The following NAA60 variants were observed in gnomAD, a reference collection of about 807,000 sequenced individuals.
NAA60 encodes the protein N-alpha-acetyltransferase 60, NatF catalytic subunit.
In NAA60, 8 loss-of-function variants were observed where a neutral mutation model predicts 26.1. The observed-to-expected ratio is 0.31, with a 90% CI of 0.18 to 0.55. The LOEUF is 0.55. NAA60 is among the 20% of genes least tolerant of loss of function. The probability of loss-of-function intolerance (pLI) is 0.93; values close to 1 mark genes in which losing one functional copy is unlikely to be tolerated. For missense variants in NAA60, 290 were observed against 311.3 expected (o/e 0.93, Z 0.51); for synonymous variants, 131 against 122.5 (o/e 1.07, Z -0.46).
Position 3,474,495 on chromosome 16 carries a change from G to A in NAA60, c.-6-1727G>A, listed in dbSNP as rs544977579. Among the ~76,000 whole-genome samples the A allele has an allele frequency of 1.2e-4, 19 of 152,374 alleles. 1 individual carries two copies. Among genetic ancestry groups the A allele is most frequent in the African/African-American group, 4.6e-4 (19 of 41,594 alleles). On this transcript the variant is annotated intron_variant, in intron 2 of 7. Coordinates refer to ENST00000407558, the MANE Select transcript of NAA60 (RefSeq NM_001083601.3). The stretch of plus-strand genomic sequence containing the variant: ...AGCCAGCAGAGAGACCAGATTCAGC[G>A]TCTAAATTCCTCCCCTTGTCAGGAA...
intron 3 of NAA60, among the ~76,000 whole-genome samples, chr16:3,479,206 C>T (rs1415637950): frequency 1.3e-5 from 2 of 152,194 alleles, no homozygotes; most frequent in Non-Finnish European, 2.9e-5. Flanking sequence ...CGCCATTGCA[C>T]TCCAGCCTGG....
At position 3,486,671 on chromosome 16, in the gene NAA60, C is replaced by G. The variant is rs997103777; in HGVS notation, c.*1411C>G. On this transcript the variant is annotated 3_prime_UTR_variant, in exon 8 of 8. Coordinates refer to ENST00000407558, the MANE Select transcript of NAA60 (RefSeq NM_001083601.3). Reference sequence around the variant, plus strand: ...GACCTGACAGTGCTGGCGGGAGGGCCGCACCATGCTGACTGCCTGAATCTC... The same window carrying G: ...GACCTGACAGTGCTGGCGGGAGGGCGGCACCATGCTGACTGCCTGAATCTC... 1.3e-5 allele frequency: 2 copies of G among 152,394 alleles called. No homozygotes were observed. The highest frequency in any genetic ancestry group is 4.8e-5 in the African/African-American group (2 of 41,462). The allele number at this position is 152,394 out of a possible 1,614,324, so 9.4% of individuals were successfully genotyped here.
intron 2 of NAA60, among the ~76,000 whole-genome samples, chr16:3,471,522 A>T (rs1487554570): frequency 1.3e-5 from 2 of 151,978 alleles, no homozygotes; most frequent in African/African-American, 4.8e-5. Context: ...ATAATAATAA[A>T]AAGATCTGGA....
chr16:3,486,512 CCCAGGTCCCCTCTTGAACTCAGCTGGGG>C lies in NAA60; in HGVS notation c.*1258_*1285del, dbSNP rs1390539602. Reference sequence around the variant, plus strand: ...CGGGCTCTCAGGGTGCTGGGGCAGCCCCAGGTCCCCTCTTGAACTCAGCTGGGGCCAGGGGCCCTCAGAATGAAGGCAG... The same window carrying C: ...CGGGCTCTCAGGGTGCTGGGGCAGCCCCAGGGGCCCTCAGAATGAAGGCAG... On this transcript the variant is annotated 3_prime_UTR_variant, in exon 8 of 8. Coordinates refer to ENST00000407558, the MANE Select transcript of NAA60 (RefSeq NM_001083601.3). The C allele has an allele frequency of 2.6e-5, 4 of 152,260 alleles. No individual in the cohort carries two copies. Among genetic ancestry groups the C allele is most frequent in the Non-Finnish European group, 4.4e-5 (3 of 68,112 alleles). The allele number at this position is 152,260 out of a possible 1,614,324, so 9.4% of individuals were successfully genotyped here.
intron 4 of NAA60, among the ~76,000 whole-genome samples, chr16:3,480,884 G>C (rs935068344): frequency 1.3e-5 from 2 of 152,144 alleles, no homozygotes; most frequent in Non-Finnish European, 2.9e-5. Flanking sequence ...ACTCCAGCCT[G>C]GGTGACAGAG....
chr16:3,468,911 C>A (rs964968847), intron 2 of NAA60, among the ~76,000 whole-genome samples: 2 of 152,116 alleles, frequency 1.3e-5, no homozygotes, highest in African/African-American at 4.8e-5. Context: ...AGGCCAACAA[C>A]CTTGTCTCTA....
chr16:3,447,411 T>C (rs1396541314), intron 1 of NAA60: 2 of 958,016 alleles, frequency 2.1e-6, no homozygotes, highest in Non-Finnish European at 1.2e-6. Context: ...ATGGGGTATC[T>C]TCCCTGGCGA....
chr16:3,476,191 G>A (rs761452364), intron 2 of NAA60, 31 bp from the exon 3 acceptor site: 7 of 1,530,694 alleles, frequency 4.6e-6, no homozygotes, highest in South Asian at 1.2e-5. Flanking sequence ...CAGGCTGTGA[G>A]GTGACGCGTC....
intron 4 of NAA60, among the ~76,000 whole-genome samples, chr16:3,481,698 G>A (rs1231944857): frequency 2.0e-5 from 3 of 152,188 alleles, no homozygotes; most frequent in Non-Finnish European, 4.4e-5. Flanking sequence ...CCTGTTAAGA[G>A]ATGTCAGCTG....
At chr16:3,471,856 G>A (rs998897768) in intron 2 of NAA60, among the ~76,000 whole-genome samples, 1 of 152,162 alleles carries the variant, frequency 6.6e-6, no homozygotes, top group Non-Finnish European at 1.5e-5. Context: ...CAAGGAGGAG[G>A]CCGTGTGCTG....
chr16:3,484,621 C>T, intron 6 of NAA60, 78 bp from the exon 7 acceptor site: 1 of 1,523,260 alleles, frequency 6.6e-7, no homozygotes, highest in South Asian at 1.2e-5. Flanking sequence ...TCCCACAGGC[C>T]ACTGCGCGGG....
At chr16:3,465,252 G>A (rs1402420771) in intron 2 of NAA60, among the ~76,000 whole-genome samples, 5 of 147,772 alleles carry the variant, frequency 3.4e-5, no homozygotes, top group Admixed American at 2.7e-4. Flanking sequence ...GGGCGACAGA[G>A]CGAGACTCTG....
intron 2 of NAA60, among the ~76,000 whole-genome samples, chr16:3,463,756 A>C (rs565778627): frequency 3.9e-5 from 6 of 151,954 alleles, no homozygotes; most frequent in African/African-American, 1.4e-4. Context: ...CTGTAATCCT[A>C]GCTATTTGGG....
At chr16:3,449,385 G>A (rs968382698) in intron 2 of NAA60, among the ~76,000 whole-genome samples, 4 of 152,132 alleles carry the variant, frequency 2.6e-5, no homozygotes, top group African/African-American at 9.7e-5. Context: ...GGGCGTGGTG[G>A]TGGGCACCTG....
At chr16:3,447,016 A>G (rs911986389) in intron 1 of NAA60, among the ~76,000 whole-genome samples, 1 of 150,540 alleles carries the variant, frequency 6.6e-6, no homozygotes, top group Non-Finnish European at 1.5e-5. Context: ...GAATTTTTGT[A>G]TTTTTAGTAG....
At position 3,485,550 on chromosome 16, in the gene NAA60, C is replaced by T. The variant is rs773057702; in HGVS notation, c.*290C>T. 22 of 454,752 alleles carry T rather than the reference C, an allele frequency of 4.8e-5. No individual in the cohort carries two copies. Among genetic ancestry groups the T allele is most frequent in the South Asian group, 3.4e-4 (22 of 64,306 alleles). The allele number at this position is 454,752 out of a possible 1,614,324, so 28.2% of individuals were successfully genotyped here. On this transcript the variant is annotated 3_prime_UTR_variant, in exon 8 of 8. Transcript: ENST00000407558. ...CCCTGCGCATGCACCGTCCCCAGGG[C>T]TGACCCAGTGTGGCTGCATTCACTG...
intron 5 of NAA60, chr16:3,482,931 A>T (rs953584415): frequency 1.2e-5 from 6 of 492,110 alleles, no homozygotes; most frequent in African/African-American, 1.2e-4. Flanking sequence ...ACTGCTCACG[A>T]TTCAGAGTAG....
At chr16:3,446,349 A>G (rs12924090) in intron 1 of NAA60, among the ~76,000 whole-genome samples, 1 of 152,012 alleles carries the variant, frequency 6.6e-6, no homozygotes, top group Admixed American at 6.6e-5. Context: ...GGCTAACACG[A>G]TGAAACCCCA....
intron 2 of NAA60, among the ~76,000 whole-genome samples, chr16:3,455,857 C>A (rs1375393221): frequency 1.3e-5 from 2 of 151,872 alleles, no homozygotes; most frequent in Admixed American, 6.6e-5. Context: ...CAGGCACGCA[C>A]CACTATGCCC....
Sources: gnomAD v4.1 joint callset for allele counts (sites outside exome capture counted in the v4.1 genomes callset) on GRCh38, gnomAD v4.1.1 for gene constraint, MANE v1.5 for transcripts, NCBI Gene and HGNC (gene_info 2026-07-23, HGNC 2026-07-21) for gene names.